Variants in CLIC5 observed in about 807,000 individuals in gnomAD.
CLIC5 encodes the protein chloride intracellular channel protein 5.
Under a neutral mutation model 24.7 loss-of-function variants are expected in CLIC5, and 20 were observed. The ratio of observed to expected loss-of-function variants is 0.81; its 90% CI spans 0.57 to 1.18. The LOEUF (loss-of-function observed/expected upper bound fraction) is 1.18. Ranked by LOEUF, CLIC5 falls within the 50% of genes most tolerant of loss-of-function variation. CLIC5 has a pLI of 0.00. For synonymous variants in CLIC5, 159 were observed against 135.6 expected, an observed-to-expected ratio of 1.17 and a Z score of -1.20; for missense variants, 341 against 326.1, an observed-to-expected ratio of 1.05 and a Z score of -0.35.
intron 1 of CLIC5, among the ~76,000 whole-genome samples, chr6:45,963,525 A>G (rs1764920918): frequency 6.6e-6 from 1 of 152,000 alleles, no homozygotes; most frequent in Non-Finnish European, 1.5e-5. Flanking sequence ...TTGCCCTCTC[A>G]GCTCACCACT....
intron 1 of CLIC5, among the ~76,000 whole-genome samples, chr6:45,963,125 T>A (rs890689111): frequency 6.6e-6 from 1 of 152,242 alleles, no homozygotes; most frequent in Non-Finnish European, 1.5e-5. Flanking sequence ...TTTCTTCTAT[T>A]TAACAACTTC....
intron 5 of CLIC5, among the ~76,000 whole-genome samples, chr6:45,909,487 T>A (rs1452118112): frequency 6.6e-6 from 1 of 152,238 alleles, no homozygotes; most frequent in Non-Finnish European, 1.5e-5. Flanking sequence ...ATAAATTCCC[T>A]TAGCACTTGC....
chr6:46,080,357 G>A, upstream of CLIC5: 1 of 740,234 alleles, frequency 1.4e-6, no homozygotes, highest in Non-Finnish European at 2.2e-6. Flanking sequence ...TTAAAAGGCA[G>A]CAACTAGCAA....
chr6:46,078,242 C>A (rs1223300825), intron 1 of CLIC5, among the ~76,000 whole-genome samples: 1 of 152,098 alleles, frequency 6.6e-6, no homozygotes, highest in Non-Finnish European at 1.5e-5. Context: ...TGCCTGTAAT[C>A]CCAGCTACTC....
chr6:46,117,507 C>T, the CLIC5 span, among the ~76,000 whole-genome samples: 13 of 152,316 alleles, frequency 8.5e-5, no homozygotes, highest in African/African-American at 3.1e-4. Flanking sequence ...CTTTTAATAT[C>T]TTAAGTGGGC....
chr6:46,037,228 C>A (rs1767688000), intron 1 of CLIC5, among the ~76,000 whole-genome samples: 1 of 152,080 alleles, frequency 6.6e-6, no homozygotes, highest in South Asian at 2.1e-4. Context: ...TATCTGTGTC[C>A]AAACCTTGAT....
chr6:46,104,023 G>A, the CLIC5 span, among the ~76,000 whole-genome samples: 3 of 152,090 alleles, frequency 2.0e-5, no homozygotes, highest in Admixed American at 6.5e-5. Flanking sequence ...ACTAGTCTTG[G>A]TGTAGTCAAG....
At chr6:45,974,733 A>G (rs1346336589) in intron 1 of CLIC5, among the ~76,000 whole-genome samples, 1 of 151,882 alleles carries the variant, frequency 6.6e-6, no homozygotes, top group Non-Finnish European at 1.5e-5. Context: ...TTGGGAACAG[A>G]TGTGTTTCAA....
intron 1 of CLIC5, among the ~76,000 whole-genome samples, chr6:46,034,128 G>A (rs1767596888): frequency 6.6e-6 from 1 of 152,232 alleles, no homozygotes; most frequent in Admixed American, 6.5e-5. Context: ...TTGCCGTGGG[G>A]AGACCCTTTC....
chr6:45,882,482 C>T (rs1463468909), intron 6 of CLIC5, among the ~76,000 whole-genome samples: 2 of 152,256 alleles, frequency 1.3e-5, no homozygotes, highest in African/African-American at 4.8e-5. Flanking sequence ...AACCCTGTGA[C>T]TCCAAGCCTT....
At chr6:46,035,955 C>G (rs1767647499) in intron 1 of CLIC5, among the ~76,000 whole-genome samples, 1 of 151,978 alleles carries the variant, frequency 6.6e-6, no homozygotes. Flanking sequence ...CCATGTTGGC[C>G]AGGATGGTCT....
intron 5 of CLIC5, among the ~76,000 whole-genome samples, chr6:45,904,736 C>T (rs990805566): frequency 6.7e-6 from 1 of 148,614 alleles, no homozygotes. Context: ...TCTCTTCCTT[C>T]CTTCCCTCTT....
chr6:46,065,183 A>T (rs1243584838), intron 1 of CLIC5, among the ~76,000 whole-genome samples: 1 of 152,150 alleles, frequency 6.6e-6, no homozygotes, highest in Non-Finnish European at 1.5e-5. Flanking sequence ...CAGCCTAATT[A>T]GTCACTAGAA....
intron 1 of CLIC5, among the ~76,000 whole-genome samples, chr6:46,079,097 C>T (rs1434321584): frequency 6.6e-6 from 1 of 152,098 alleles, no homozygotes; most frequent in Non-Finnish European, 1.5e-5. Context: ...ATAACCATAA[C>T]TTTATTACTT....
chr6:46,036,351 C>T (rs1480075661), intron 1 of CLIC5, among the ~76,000 whole-genome samples: 1 of 140,260 alleles, frequency 7.1e-6, no homozygotes, highest in African/African-American at 2.8e-5. Context: ...ATTCTGCCGC[C>T]CAGGCTGGAG....
intron 1 of CLIC5, among the ~76,000 whole-genome samples, chr6:46,009,525 C>T (rs1766725594): frequency 6.6e-6 from 1 of 152,170 alleles, no homozygotes; most frequent in East Asian, 1.9e-4. Flanking sequence ...TGCATCTTTA[C>T]TATCTCTAGT....
chr6:45,958,988 C>CA (rs199492765), intron 1 of CLIC5, among the ~76,000 whole-genome samples: 4 of 145,956 alleles, frequency 2.7e-5, no homozygotes, highest in African/African-American at 7.6e-5. Flanking sequence ...TACATACATA[C>CA]TACATACATA....
chr6:45,968,977 T>G (rs1231300198), intron 1 of CLIC5, among the ~76,000 whole-genome samples: 1 of 152,208 alleles, frequency 6.6e-6, no homozygotes, highest in Non-Finnish European at 1.5e-5. Flanking sequence ...GTCTTAATCT[T>G]GTTATTTTTA....
chr6:45,911,977 G>C lies in CLIC5; in HGVS notation c.588+2251C>G, dbSNP rs192311535. 4.1e-6 allele frequency: 4 copies of C among 985,560 alleles called. No individual in the cohort carries two copies. The African/African-American group carries it at 7.0e-5, about 17-fold the overall frequency. The allele number at this position is 985,560 out of a possible 1,614,324, so 61.1% of individuals were successfully genotyped here. ...TGGGCCAGAGCAACTCTGCTTCCAGGGATGGAGATAAACCTGAAAGCGAGC... is the reference window on the plus strand; with the variant it reads ...TGGGCCAGAGCAACTCTGCTTCCAGCGATGGAGATAAACCTGAAAGCGAGC... On this transcript the variant is annotated intron_variant, in intron 5 of 5. Transcript: ENST00000339561.
Sources: gnomAD v4.1 joint callset for allele counts (sites outside exome capture counted in the v4.1 genomes callset) on GRCh38, gnomAD v4.1.1 for gene constraint, MANE v1.5 for transcripts, NCBI Gene and HGNC (gene_info 2026-07-23, HGNC 2026-07-21) for gene names.